FERMT1: variants seen among roughly 807,000 people sequenced by gnomAD.
FERMT1 encodes the protein FERM domain containing kindlin 1, also known as fermitin family homolog 1.
Under a neutral mutation model 85.3 loss-of-function variants are expected in FERMT1, and 60 were observed. The ratio of observed to expected loss-of-function variants is 0.70; its 90% confidence interval spans 0.57 to 0.87. The LOEUF is 0.87. Ranked by LOEUF, FERMT1 falls within the 40% of genes least tolerant of loss-of-function variation. The pLI, the probability that FERMT1 is intolerant of heterozygous loss-of-function variation, is 0.00. For missense variants in FERMT1, 701 were observed against 818.9 expected (o/e 0.86, Z 1.76); for synonymous variants, 275 against 301.1 (o/e 0.91, Z 0.90).
At chr20:6,114,023 T>C (rs1983032649) in intron 3 of FERMT1, among the ~76,000 whole-genome samples, 1 of 152,220 alleles carries the variant, frequency 6.6e-6, no homozygotes, top group Non-Finnish European at 1.5e-5. Flanking sequence ...ATTTGGACTT[T>C]TAGTTTCTGA....
At chr20:6,107,260 C>T (rs1982823909) in intron 6 of FERMT1, among the ~76,000 whole-genome samples, 2 of 150,710 alleles carry the variant, frequency 1.3e-5, no homozygotes, top group Admixed American at 1.3e-4. Flanking sequence ...CTTGTTTGAC[C>T]ATTCCTGCAA....
intron 4 of FERMT1, 34 bp from the exon 5 acceptor site, chr20:6,110,545 A>G: frequency 6.8e-7 from 1 of 1,466,880 alleles, no homozygotes; most frequent in African/African-American, 1.4e-5. Flanking sequence ...CTATGATATG[A>G]GAATCCAGGG....
chr20:6,082,061 A>G (rs565521555), intron 13 of FERMT1, among the ~76,000 whole-genome samples: 6 of 152,276 alleles, frequency 3.9e-5, no homozygotes, highest in African/African-American at 1.4e-4. Flanking sequence ...GACATCCTAC[A>G]CACAGCATGG....
Position 6,087,792 on chromosome 20 carries a change from A to T in FERMT1, c.1356T>A (p.Tyr452Ter), listed in dbSNP as rs764911392. 1 of 1,592,786 alleles carries T rather than the reference A, an allele frequency of 6.3e-7. No individual in the cohort carries two copies. The highest frequency in any genetic ancestry group is 8.6e-7 in the Non-Finnish European group (1 of 1,160,646). Residue 452 changes from tyrosine (Y) to a stop codon, truncating the protein, a stop_gained, in exon 11 of 15, where the codon TAT becomes TAA. Coordinates refer to ENST00000217289, the MANE Select transcript of FERMT1 (RefSeq NM_017671.5). LOFTEE classifies it high-confidence loss of function. The part of the protein sequence containing the change: ...IPVADGMNEM[Y>*]LRCDHENQYA... ...TTTTACTCACATGGTCACATCTCAA[A>T]TACATTTCATTCATACCATCGGCAA... is the stretch of plus-strand genomic sequence containing the variant.
chr20:6,079,472 AT>A lies in FERMT1; in HGVS notation c.1823del (p.Asn608IlefsTer7). On this transcript the variant is annotated frameshift_variant, in exon 14 of 15. Transcript: ENST00000217289. LOFTEE classifies it high-confidence loss of function. ...CCCAGTTTACATTCCACTGTTTGAT[AT>A]TTGTGAATCTCCATGTTGTCACTGG... ...GIPVTTWRFTNIKQWNVNWET... is the reference protein window; with the variant it reads ...GIPVTTWRFTXIKQWNVNWET... 1 of 1,614,112 alleles carries A rather than the reference AT, an allele frequency of 6.2e-7. No individual in the cohort carries two copies. Among genetic ancestry groups the A allele is most frequent in the Non-Finnish European group, 8.5e-7 (1 of 1,179,986 alleles).
At position 6,076,735 on chromosome 20, in the gene FERMT1, G is replaced by A. The variant is rs576410071; in HGVS notation, c.*438C>T. The stretch of plus-strand genomic sequence containing the variant: ...AAAAGCAGTTCCATGAAGGACAGGC[G>A]TTTCGTTTCATACCTGAGTTTGTGA... On this transcript the variant is annotated 3_prime_UTR_variant, in exon 15 of 15. Transcript: ENST00000217289. 4.2e-4 allele frequency: 136 copies of A among 323,532 alleles called. No homozygotes were observed. The highest frequency in any genetic ancestry group is 5.0e-4 in the Admixed American group (12 of 23,790). 20.0% of individuals were successfully genotyped at this position (323,532 alleles called of 1,614,324 possible).
chr20:6,117,951 T>C (rs1188694234), intron 2 of FERMT1, among the ~76,000 whole-genome samples: 2 of 152,242 alleles, frequency 1.3e-5, no homozygotes, highest in Non-Finnish European at 2.9e-5. Context: ...CGTGAGCCAC[T>C]GCTCTCAGCC....
chr20:6,087,787 C>T lies in FERMT1; in HGVS notation c.1361G>A (p.Arg454Lys). Reference protein sequence around the residue: ...VADGMNEMYLRCDHENQYAQW... With the variant: ...VADGMNEMYLKCDHENQYAQW... Reference sequence around the variant, plus strand: ...TGGGGTTTTACTCACATGGTCACATCTCAAATACATTTCATTCATACCATC... The same window carrying T: ...TGGGGTTTTACTCACATGGTCACATTTCAAATACATTTCATTCATACCATC... Residue 454 changes from arginine to lysine, a missense_variant, in exon 11 of 15, where the codon AGA becomes AAA. Arg to Lys is a conservative substitution (Grantham distance 26). Transcript: ENST00000217289. 1.3e-6 allele frequency: 2 copies of T among 1,584,162 alleles called. No homozygotes were observed. Among genetic ancestry groups the T allele is most frequent in the Non-Finnish European group, 1.7e-6 (2 of 1,152,762 alleles).
At chr20:6,109,054 A>C (rs1427378005) in intron 5 of FERMT1, among the ~76,000 whole-genome samples, 1 of 152,176 alleles carries the variant, frequency 6.6e-6, no homozygotes, top group Non-Finnish European at 1.5e-5. Context: ...TCCTGTCCAC[A>C]TTTAGATATC....
rs763150733 is a variant in FERMT1, at chr20:6,097,704, C to G, written c.850-73G>C. The stretch of plus-strand genomic sequence containing the variant: ...CCACAATACAAAGATTCTGAAACAA[C>G]TGAGGCCATTCTCTGTTAATCAGAT... On this transcript the variant is annotated intron_variant, in intron 6 of 14. Transcript: ENST00000217289. 2.9e-6 allele frequency: 3 copies of G among 1,042,360 alleles called. No individual in the cohort carries two copies. In the East Asian group the frequency reaches 7.1e-5, roughly 25 times the overall value. The allele number at this position is 1,042,360 out of a possible 1,614,324, so 64.6% of individuals were successfully genotyped here.
chr20:6,088,297 C>T (rs1304882829), intron 10 of FERMT1, among the ~76,000 whole-genome samples: 2 of 152,178 alleles, frequency 1.3e-5, no homozygotes, highest in Non-Finnish European at 2.9e-5. Context: ...CAGTGACCTT[C>T]AGAAATTAGA....
chr20:6,118,638 A>G (rs538637126), intron 2 of FERMT1, among the ~76,000 whole-genome samples: 2 of 152,360 alleles, frequency 1.3e-5, no homozygotes, highest in Admixed American at 6.5e-5. Flanking sequence ...AGCACAAAGA[A>G]AATAGAATGT....
chr20:6,098,944 C>A (rs1982580103), intron 6 of FERMT1, among the ~76,000 whole-genome samples: 1 of 152,212 alleles, frequency 6.6e-6, no homozygotes, highest in Non-Finnish European at 1.5e-5. Flanking sequence ...ATCAATCCTA[C>A]TCCTAGCTGT....
chr20:6,096,782 C>CTTTTT, intron 8 of FERMT1, 120 bp downstream of exon 8: 19 of 533,642 alleles, frequency 3.6e-5, no homozygotes, highest in South Asian at 1.2e-4. Context: ...TGAAGAGCAT[C>CTTTTT]TTTTTTTTTT....
At chr20:6,105,782 A>G (rs1428545196) in intron 6 of FERMT1, among the ~76,000 whole-genome samples, 1 of 152,208 alleles carries the variant, frequency 6.6e-6, no homozygotes. Context: ...CAATAAATAA[A>G]CACACAAACA....
chr20:6,097,443 C>A (rs1195244475), intron 7 of FERMT1, 81 bp downstream of exon 7: 5 of 947,740 alleles, frequency 5.3e-6, no homozygotes, highest in Admixed American at 1.8e-5. Flanking sequence ...CAAAAAAAAA[C>A]CAGTATGAAG....
chr20:6,095,091 T>C, intron 8 of FERMT1, 103 bp from the exon 9 acceptor site: 1 of 718,452 alleles, frequency 1.4e-6, no homozygotes, highest in Admixed American at 2.2e-5. Context: ...TATGTGCCTA[T>C]TTAAATTTGA....
chr20:6,119,503 C>G lies in FERMT1; in HGVS notation c.52G>C (p.Val18Leu). The change falls in exon 2 of 15, where the codon GTT (valine) becomes CTT (leucine). Residue 18 changes from valine to leucine, a missense_variant. Physicochemically the swap from Val to Leu is conservative, Grantham distance 32. Coordinates refer to ENST00000217289, the MANE Select transcript of FERMT1 (RefSeq NM_017671.5). ...TFASWELVVR[V>L]DHPNEEQQKD... is the part of the protein sequence containing the mutation. ...TGCTGCTCTTCATTGGGATGGTCAA[C>G]GCGGACCACAAGCTCCCAGGAAGCA... 1 of 1,614,172 alleles carries G rather than the reference C, an allele frequency of 6.2e-7. No individual in the cohort carries two copies. The highest frequency in any genetic ancestry group is 8.5e-7 in the Non-Finnish European group (1 of 1,180,026).
intron 13 of FERMT1, among the ~76,000 whole-genome samples, chr20:6,080,562 G>C (rs1981964816): frequency 6.6e-6 from 1 of 152,170 alleles, no homozygotes; most frequent in Admixed American, 6.5e-5. Context: ...CACCAAGCAG[G>C]ATCACTCTGG....
Sources: gnomAD v4.1 joint callset for allele counts (sites outside exome capture counted in the v4.1 genomes callset) on GRCh38, gnomAD v4.1.1 for gene constraint, MANE v1.5 for transcripts, NCBI Gene and HGNC (gene_info 2026-07-23, HGNC 2026-07-21) for gene names.